Variants in APBB1IP observed in about 807,000 individuals in gnomAD.
APBB1IP encodes amyloid beta A4 precursor protein-binding family B member 1-interacting protein.
Under a neutral mutation model 64.9 loss-of-function variants are expected in APBB1IP, and 27 were observed. The observed-to-expected ratio is 0.42, with a 90% CI of 0.31 to 0.57. APBB1IP has a LOEUF of 0.57. APBB1IP is among the 20% of genes least tolerant of loss of function. The pLI is 0.20. For synonymous variants in APBB1IP, 392 were observed against 331.0 expected, an observed-to-expected ratio of 1.18 and a Z score of -2.00; for missense variants, 812 against 845.5, an observed-to-expected ratio of 0.96 and a Z score of 0.49.
At chr10:26,543,808 G>T (rs1229064392) in intron 11 of APBB1IP, among the ~76,000 whole-genome samples, 3 of 152,094 alleles carry the variant, frequency 2.0e-5, no homozygotes, top group Admixed American at 2.0e-4. Context: ...AATGAGGTGA[G>T]GGAGCAAGAA....
At chr10:26,448,336 T>C (rs1372987588) in intron 2 of APBB1IP, among the ~76,000 whole-genome samples, 1 of 152,176 alleles carries the variant, frequency 6.6e-6, no homozygotes, top group African/African-American at 2.4e-5. Context: ...CTGCCAGTAA[T>C]AGTAAAATTA....
Position 26,541,631 on chromosome 10 carries a change from A to C in APBB1IP, c.1094A>C (p.Tyr365Ser). ...ATACAGTTTGAAAATGTCAACATTT[A>C]CTATGGGACTCAGCATAAAATGAAA... The part of the protein sequence containing the change: ...CFIQFENVNI[Y>S]YGTQHKMKYK... Residue 365 changes from tyrosine (Y) to serine (S), a missense_variant, in exon 11 of 15, where the codon TAC becomes TCC. Physicochemically the swap from Tyr to Ser is moderately radical, Grantham distance 144 (BLOSUM62 -2). This residue lies in a region of APBB1IP where 37 missense variants were observed against 80.4 expected (regional missense o/e 0.46). Coordinates refer to ENST00000376236, the MANE Select transcript of APBB1IP (RefSeq NM_019043.4). The C allele has an allele frequency of 6.2e-7, 1 of 1,612,638 alleles. No homozygotes were observed. Among genetic ancestry groups the C allele is most frequent in the Non-Finnish European group, 8.5e-7 (1 of 1,179,610 alleles).
In APBB1IP at chr10:26,527,342, T is replaced by A. The variant is rs558487748; in HGVS notation, c.814-6097T>A. Among the ~76,000 whole-genome samples the A allele has an allele frequency of 7.9e-5, 12 of 152,132 alleles. No individual in the cohort carries two copies. In the East Asian group the frequency reaches 2.3e-3, roughly 30 times the overall value. ...CAGGAGGATCACTTGAAATCTGGAA[T>A]TCAAGACCAGCCTGGAAAACATAGT... On this transcript the variant is annotated intron_variant, in intron 8 of 14. Coordinates refer to ENST00000376236, the MANE Select transcript of APBB1IP (RefSeq NM_019043.4).
intron 2 of APBB1IP, among the ~76,000 whole-genome samples, chr10:26,458,894 G>A (rs1835557132): frequency 6.6e-6 from 1 of 151,778 alleles, no homozygotes. Context: ...TAATTAAATT[G>A]TGTATAAGTG....
Position 26,560,790 on chromosome 10 carries a change from C to G in APBB1IP, c.1315C>G (p.Arg439Gly). 1 of 1,609,796 alleles carries G rather than the reference C, an allele frequency of 6.2e-7. No homozygotes were observed. Among genetic ancestry groups the G allele is most frequent in the Non-Finnish European group, 8.5e-7 (1 of 1,177,772 alleles). The change falls in exon 13 of 15, where the codon CGG (arginine) becomes GGG (glycine). Residue 439 changes from arginine to glycine, a missense_variant. By Grantham distance (125) the Arg-to-Gly change is moderately radical (BLOSUM62 -2). Transcript: ENST00000376236. ...RAVAKAGLAS[R>G]WTNLGTVNAA... ...TGTGGCAAAGGCTGGACTTGCCTCT[C>G]GGTGGACAAACTTGGGGACAGTCAA...
chr10:26,472,083 C>G (rs1275572741), intron 2 of APBB1IP, among the ~76,000 whole-genome samples: 1 of 152,042 alleles, frequency 6.6e-6, no homozygotes, highest in Non-Finnish European at 1.5e-5. Context: ...GAACGTTGAC[C>G]AAGATGGGTG....
chr10:26,439,910 C>G (rs755767619), intron 2 of APBB1IP, among the ~76,000 whole-genome samples: 4 of 152,136 alleles, frequency 2.6e-5, no homozygotes, highest in Admixed American at 2.6e-4. Flanking sequence ...AGCGATTTTC[C>G]CTCTGGCCTC....
chr10:26,567,308 G>A lies in APBB1IP; in HGVS notation c.1821G>A (p.Ala607=). Residue 607 remains alanine (A), a synonymous_variant, in exon 15 of 15, where the codon GCG becomes GCA. Transcript: ENST00000376236. ...CCCCGCCGCCGCCGCCGCCGCCCGC[G>A]CCCGCGCCCGCCCCCGTCCCCGACT... ...ELPPPPPPPP[A]PAPAPVPDSA... 1.8e-6 allele frequency: 2 copies of A among 1,120,028 alleles called. No homozygotes were observed. Among genetic ancestry groups the A allele is most frequent in the South Asian group, 5.1e-5 (2 of 38,874 alleles). The allele number at this position is 1,120,028 out of a possible 1,614,324, so 69.4% of individuals were successfully genotyped here.
intron 11 of APBB1IP, among the ~76,000 whole-genome samples, chr10:26,552,782 CGTG>C (rs1836848067): frequency 6.6e-6 from 1 of 152,198 alleles, no homozygotes; most frequent in African/African-American, 2.4e-5. Flanking sequence ...CTATCTCCAA[CGTG>C]GCCTCTGGAA....
At chr10:26,561,322 C>G in intron 13 of APBB1IP, among the ~76,000 whole-genome samples, 1 of 151,024 alleles carries the variant, frequency 6.6e-6, no homozygotes, top group Non-Finnish European at 1.5e-5. Flanking sequence ...CCTGCCTCAG[C>G]CTCCCAAAGT....
intron 2 of APBB1IP, among the ~76,000 whole-genome samples, chr10:26,454,503 AAAAAAT>A (rs1375357708): frequency 6.6e-6 from 1 of 151,896 alleles, no homozygotes; most frequent in Non-Finnish European, 1.5e-5. Flanking sequence ...ATAAATAAAT[AAAAAAT>A]AAAAATAAAA....
At chr10:26,450,133 G>T (rs1835448985) in intron 2 of APBB1IP, among the ~76,000 whole-genome samples, 2 of 152,120 alleles carry the variant, frequency 1.3e-5, no homozygotes, top group African/African-American at 4.8e-5. Flanking sequence ...TGTGTTAAAC[G>T]CTGGGCAGTT....
intron 2 of APBB1IP, among the ~76,000 whole-genome samples, chr10:26,448,991 G>A (rs1333292312): frequency 6.6e-6 from 1 of 152,090 alleles, no homozygotes; most frequent in Non-Finnish European, 1.5e-5. Context: ...GCGGTTCTCA[G>A]CTCCAAAAAT....
In APBB1IP at chr10:26,479,294, CAAAAAAAAAAAAAA is replaced by C; in HGVS notation, c.1-13017_1-13004del. On this transcript the variant is annotated intron_variant, in intron 2 of 14. Transcript: ENST00000376236. ...TGGGCGACAGAGCGAGACTCCGTCT[CAAAAAAAAAAAAAA>C]AAAAAAAAAAAAAAATTGACATATA... Among the ~76,000 whole-genome samples, 2 of 888 alleles carry C rather than the reference CAAAAAAAAAAAAAA, an allele frequency of 2.3e-3. 1 individual carries two copies. The highest frequency in any genetic ancestry group is 0.059 in the East Asian group (2 of 34). 0.6% of individuals were successfully genotyped at this position (888 alleles called of 152,430 possible).
chr10:26,461,475 G>A (rs1835591514), intron 2 of APBB1IP, among the ~76,000 whole-genome samples: 1 of 151,960 alleles, frequency 6.6e-6, no homozygotes, highest in African/African-American at 2.4e-5. Context: ...TGTAAATCCT[G>A]AAGTGCCAAA....
At position 26,502,663 on chromosome 10, in the gene APBB1IP, C is replaced by T. The variant is rs117684290; in HGVS notation, c.454-534C>T. 9.0e-3 allele frequency among the ~76,000 whole-genome samples: 1,368 copies of T among 151,938 alleles called. 16 individuals carry two copies. Among genetic ancestry groups the T allele is most frequent in the Admixed American group, 0.014 (221 of 15,250 alleles). Reference sequence around the variant, plus strand: ...TCTCAAAAAAAAAAAAAAAATCAGTCTCTCTTAACCTTTGGGGGCATTAAG... The same window carrying T: ...TCTCAAAAAAAAAAAAAAAATCAGTTTCTCTTAACCTTTGGGGGCATTAAG... On this transcript the variant is annotated intron_variant, in intron 5 of 14. Coordinates refer to ENST00000376236, the MANE Select transcript of APBB1IP (RefSeq NM_019043.4).
chr10:26,560,020 GA>G lies in APBB1IP; in HGVS notation c.1156-84del, dbSNP rs1364768359. The G allele has an allele frequency of 1.3e-5, 15 of 1,125,158 alleles. No homozygotes were observed. The East Asian group carries it at 2.8e-4, about 21-fold the overall frequency. 69.7% of individuals were successfully genotyped at this position (1,125,158 alleles called of 1,614,324 possible). A position where few individuals can be genotyped will look rare whatever the true frequency, so the allele number is the denominator to read the frequency against. On this transcript the variant is annotated intron_variant, in intron 11 of 14. Coordinates refer to ENST00000376236, the MANE Select transcript of APBB1IP (RefSeq NM_019043.4). ...CACATAAATCACATATATTGTTAGA[GA>G]TTTTTTTTAAATTTCCTGACAGGTG...
intron 6 of APBB1IP, among the ~76,000 whole-genome samples, chr10:26,505,402 G>A (rs1273653191): frequency 1.3e-5 from 2 of 151,970 alleles, no homozygotes; most frequent in Non-Finnish European, 1.5e-5. Context: ...GGAACTCCAC[G>A]TCCTCATCTG....
chr10:26,503,461 C>T (rs1208027562), intron 6 of APBB1IP, among the ~76,000 whole-genome samples, 187 bp downstream of exon 6: 1 of 152,102 alleles, frequency 6.6e-6, no homozygotes, highest in Non-Finnish European at 1.5e-5. Flanking sequence ...TGGCAAAACC[C>T]CGTCTCTACT....
Sources: allele counts gnomAD v4.1 joint callset (sites outside exome capture counted in the v4.1 genomes callset), GRCh38; gene constraint gnomAD v4.1.1; regional missense constraint gnomAD v4.1.1; transcripts MANE v1.5; gene names NCBI Gene and HGNC (gene_info 2026-07-23, HGNC 2026-07-21).